CADPS: variants seen among roughly 807,000 people sequenced by gnomAD.
CADPS encodes calcium dependent secretion activator.
A neutral mutation model predicts 167.3 loss-of-function variants in CADPS; 57 were observed. The observed-to-expected ratio is 0.34, with a 90% CI of 0.28 to 0.42. The LOEUF (loss-of-function observed/expected upper bound fraction) is 0.42. Among genes scored for constraint, CADPS ranks in the 20% least tolerant of loss-of-function variants. The pLI is 1.00. For missense variants in CADPS, 1,414 were observed against 1,738.1 expected, an observed-to-expected ratio of 0.81 and a Z score of 3.32; for synonymous variants, 676 against 635.3, an observed-to-expected ratio of 1.06 and a Z score of -0.96.
At chr3:62,437,564 A>G (rs1251080422) in intron 28 of CADPS, among the ~76,000 whole-genome samples, 1 of 152,062 alleles carries the variant, frequency 6.6e-6, no homozygotes, top group Non-Finnish European at 1.5e-5. Flanking sequence ...TAAAGCTGCA[A>G]CTGACTGAGC....
chr3:62,672,821 C>T (rs957670449), intron 3 of CADPS, among the ~76,000 whole-genome samples: 3 of 152,162 alleles, frequency 2.0e-5, no homozygotes, highest in Non-Finnish European at 2.9e-5. Flanking sequence ...GGTCATGCTA[C>T]GTTGCCCAGG....
At chr3:62,702,058 A>T (rs1160915779) in intron 3 of CADPS, among the ~76,000 whole-genome samples, 2 of 152,064 alleles carry the variant, frequency 1.3e-5, no homozygotes, top group Non-Finnish European at 2.9e-5. Context: ...TGCTTCTTTT[A>T]TCCTGCAACA....
At chr3:62,740,317 G>C (rs575295) in intron 3 of CADPS, among the ~76,000 whole-genome samples, 84,110 of 152,074 alleles carry the variant, frequency 0.55, 25,101 homozygotes, top group African/African-American at 0.78. Context: ...TGCTCATTTA[G>C]TCTGCTGACG....
chr3:62,472,818 C>T (rs1013801025), intron 24 of CADPS, among the ~76,000 whole-genome samples: 9 of 152,204 alleles, frequency 5.9e-5, no homozygotes, highest in Admixed American at 1.3e-4. Context: ...TTCTGAACAC[C>T]GAACCCAGGT....
In CADPS at chr3:62,420,897, CACACA is replaced by C. The variant is rs2051198560; in HGVS notation, c.3777+17202_3777+17206del. Among the ~76,000 whole-genome samples, 2 of 123,178 alleles carry C rather than the reference CACACA, an allele frequency of 1.6e-5. No individual in the cohort carries two copies. Among genetic ancestry groups the C allele is most frequent in the Admixed American group, 8.0e-5 (1 of 12,432 alleles). 80.8% of individuals were successfully genotyped at this position (123,178 alleles called of 152,430 possible). A position where few individuals can be genotyped will look rare whatever the true frequency, so the allele number is the denominator to read the frequency against. ...ACACACACACACACACACACACACA[CACACA>C]GGCACACACACACACACTTGCCAGA... On this transcript the variant is annotated intron_variant, in intron 28 of 29. Coordinates refer to ENST00000383710, the MANE Select transcript of CADPS (RefSeq NM_003716.4). The surrounding 1 kb of genome is among the most constrained non-coding windows in gnomAD (Gnocchi z 4.1).
rs556274875 is a variant in CADPS, at chr3:62,710,856, G to A, written c.888+42585C>T. The stretch of plus-strand genomic sequence containing the variant: ...AGGAAATTAAACACTCAGGCTAACC[G>A]GAGCTTATTATCGCTGCCTCCTCCC... On this transcript the variant is annotated intron_variant, in intron 3 of 29. Transcript: ENST00000383710. 4.4e-4 allele frequency among the ~76,000 whole-genome samples: 64 copies of A among 146,194 alleles called. 1 individual carries two copies. The South Asian group carries it at 4.6e-3, about 11-fold the overall frequency.
chr3:62,771,370 T>C (rs950415079), intron 1 of CADPS, among the ~76,000 whole-genome samples: 6 of 152,190 alleles, frequency 3.9e-5, no homozygotes, highest in Non-Finnish European at 8.8e-5. Flanking sequence ...CTTAACACCC[T>C]TTGCCAACTG....
chr3:62,405,145 G>T (rs1041506584), intron 28 of CADPS, among the ~76,000 whole-genome samples: 3 of 150,072 alleles, frequency 2.0e-5, no homozygotes, highest in Admixed American at 6.6e-5. Flanking sequence ...CTGGGGGGGG[G>T]GGGGGCTCAA....
chr3:62,569,639 G>T (rs771027733), intron 9 of CADPS, among the ~76,000 whole-genome samples: 1 of 152,136 alleles, frequency 6.6e-6, no homozygotes, highest in African/African-American at 2.4e-5. Flanking sequence ...GACCTAAAAG[G>T]GAGTTGCTTT....
chr3:62,646,257 C>T (rs2068566469), intron 5 of CADPS, among the ~76,000 whole-genome samples: 1 of 151,590 alleles, frequency 6.6e-6, no homozygotes, highest in African/African-American at 2.4e-5. Flanking sequence ...CTCCACCTCC[C>T]TGGTTCAAGC....
intron 6 of CADPS, among the ~76,000 whole-genome samples, chr3:62,605,354 C>A (rs892336730): frequency 6.6e-6 from 1 of 152,146 alleles, no homozygotes; most frequent in African/African-American, 2.4e-5. Context: ...GAAGCTGGTG[C>A]AGTGGGGAGG....
intron 3 of CADPS, among the ~76,000 whole-genome samples, chr3:62,687,537 G>A (rs1418069512): frequency 6.6e-6 from 1 of 151,942 alleles, no homozygotes; most frequent in African/African-American, 2.4e-5. Context: ...AATCAGAAAG[G>A]GAAGGTTGTG....
At chr3:62,406,180 A>G (rs1011456423) in intron 28 of CADPS, among the ~76,000 whole-genome samples, 1 of 152,222 alleles carries the variant, frequency 6.6e-6, no homozygotes, top group African/African-American at 2.4e-5. Context: ...GTTCAGGGAT[A>G]TCACATTGAT....
At chr3:62,819,054 G>C (rs965391932) in intron 1 of CADPS, among the ~76,000 whole-genome samples, 1 of 152,078 alleles carries the variant, frequency 6.6e-6, no homozygotes, top group African/African-American at 2.4e-5. Context: ...TTGACTGTAG[G>C]GGGCATGAGG....
intron 6 of CADPS, among the ~76,000 whole-genome samples, chr3:62,611,274 T>C (rs2061466990): frequency 6.6e-6 from 1 of 152,162 alleles, no homozygotes; most frequent in Admixed American, 6.5e-5. Context: ...AGGACTCCGT[T>C]TTGTTGCCTA....
At chr3:62,825,726 A>G (rs1559801558) in intron 1 of CADPS, among the ~76,000 whole-genome samples, 1 of 152,184 alleles carries the variant, frequency 6.6e-6, no homozygotes, top group Non-Finnish European at 1.5e-5. Flanking sequence ...ACTGCTGGCC[A>G]TAGAAAATAA....
intron 1 of CADPS, among the ~76,000 whole-genome samples, chr3:62,837,977 TG>T (rs2076131247): frequency 6.6e-6 from 1 of 152,216 alleles, no homozygotes; most frequent in Admixed American, 6.5e-5. Context: ...AAAATGCACA[TG>T]CTGACAGAGG....
At chr3:62,854,633 G>T (rs1159864292) in intron 1 of CADPS, among the ~76,000 whole-genome samples, 1 of 152,162 alleles carries the variant, frequency 6.6e-6, no homozygotes, top group African/African-American at 2.4e-5. Context: ...GGTTGCAAAA[G>T]ATTGCATGTT....
chr3:62,526,720 C>T (rs1026649387), intron 13 of CADPS, among the ~76,000 whole-genome samples: 1 of 152,160 alleles, frequency 6.6e-6, no homozygotes, highest in Non-Finnish European at 1.5e-5. Context: ...CCTTTTTCTC[C>T]TGTCTCTCTT....
Sources: allele counts gnomAD v4.1 joint callset (sites outside exome capture counted in the v4.1 genomes callset), GRCh38; gene constraint gnomAD v4.1.1; non-coding constraint Gnocchi (gnomAD v3.1); transcripts MANE v1.5; gene names NCBI Gene and HGNC (gene_info 2026-07-23, HGNC 2026-07-21).